FSTL4: variants seen among roughly 807,000 people sequenced by gnomAD.
FSTL4 encodes the protein follistatin-related protein 4.
Under a neutral mutation model 78.2 loss-of-function variants are expected in FSTL4, and 28 were observed. That is an observed-to-expected ratio of 0.36 (90% confidence interval 0.27 to 0.49). The LOEUF is 0.49. FSTL4 is among the 20% of genes least tolerant of loss of function. FSTL4 has a pLI of 0.98. For synonymous variants in FSTL4, 422 were observed against 440.5 expected, an observed-to-expected ratio of 0.96 and a Z score of 0.53; for missense variants, 922 against 1,084.9, an observed-to-expected ratio of 0.85 and a Z score of 2.11.
intron 2 of FSTL4, among the ~76,000 whole-genome samples, chr5:133,572,129 G>C (rs1215629368): frequency 1.3e-5 from 2 of 152,118 alleles, no homozygotes; most frequent in African/African-American, 2.4e-5. Flanking sequence ...AAGACAAATA[G>C]AAAATCTTTA....
chr5:133,331,138 C>T (rs948768504), intron 4 of FSTL4, among the ~76,000 whole-genome samples: 4 of 152,170 alleles, frequency 2.6e-5, no homozygotes, highest in Non-Finnish European at 5.9e-5. Context: ...GGAAAGCAGC[C>T]CCGCATAGGT....
At chr5:133,632,853 A>G in the FSTL4 span, among the ~76,000 whole-genome samples, 1 of 151,770 alleles carries the variant, frequency 6.6e-6, no homozygotes, top group East Asian at 1.9e-4. Flanking sequence ...CACTCAGCTA[A>G]TTTTTTTTGT....
intron 6 of FSTL4, among the ~76,000 whole-genome samples, chr5:133,257,373 T>C (rs1752406862): frequency 6.6e-6 from 1 of 152,190 alleles, no homozygotes; most frequent in African/African-American, 2.4e-5. Flanking sequence ...GGCAGACCTG[T>C]GTCCTGCTAT....
At chr5:133,639,242 A>C in the FSTL4 span, among the ~76,000 whole-genome samples, 1 of 152,200 alleles carries the variant, frequency 6.6e-6, no homozygotes, top group African/African-American at 2.4e-5. Context: ...CTCATAAGTC[A>C]GAGTTAAACA....
chr5:133,502,349 C>A (rs76649912), intron 3 of FSTL4, among the ~76,000 whole-genome samples: 11 of 152,088 alleles, frequency 7.2e-5, no homozygotes, highest in Non-Finnish European at 1.0e-4. Context: ...CATGCCACTG[C>A]CAATTTGAAG....
intron 7 of FSTL4, among the ~76,000 whole-genome samples, chr5:133,235,632 G>A (rs181378073): frequency 1.4e-4 from 22 of 152,010 alleles, no homozygotes; most frequent in Non-Finnish European, 2.9e-4. Context: ...TGCAGGGAGG[G>A]TCAGGATAAA....
intron 6 of FSTL4, among the ~76,000 whole-genome samples, chr5:133,269,576 A>C (rs990018978): frequency 6.6e-6 from 1 of 152,242 alleles, no homozygotes; most frequent in African/African-American, 2.4e-5. Flanking sequence ...GACTTGAAGG[A>C]TATGTTCTTA....
At chr5:133,376,864 G>C (rs1755446313) in intron 4 of FSTL4, among the ~76,000 whole-genome samples, 1 of 143,258 alleles carries the variant, frequency 7.0e-6, no homozygotes, top group African/African-American at 2.6e-5. Context: ...ACTCCAGCCT[G>C]AGAGACAGAG....
the FSTL4 span, among the ~76,000 whole-genome samples, chr5:133,707,885 T>C: frequency 3.3e-5 from 5 of 151,934 alleles, no homozygotes; most frequent in Admixed American, 3.3e-4. Context: ...CAGGTGTTGC[T>C]TGAGGCCCGG....
At chr5:133,221,900 T>TGTTTTG (rs1561626695) in intron 11 of FSTL4, among the ~76,000 whole-genome samples, 14 of 92,894 alleles carry the variant, frequency 1.5e-4, no homozygotes, top group African/African-American at 1.0e-3. Flanking sequence ...AGTTTTTTTT[T>TGTTTTG]TTTTTTTTTT....
chr5:133,670,869 T>A, the FSTL4 span, among the ~76,000 whole-genome samples: 1 of 151,668 alleles, frequency 6.6e-6, no homozygotes, highest in African/African-American at 2.4e-5. Flanking sequence ...ATACTGGTTG[T>A]ACAAATGGCT....
intron 11 of FSTL4, among the ~76,000 whole-genome samples, chr5:133,222,043 G>A (rs1751152675): frequency 6.6e-6 from 1 of 151,644 alleles, no homozygotes; most frequent in South Asian, 2.1e-4. Flanking sequence ...AACTCTGCAT[G>A]CAGTTTTCTG....
intron 2 of FSTL4, among the ~76,000 whole-genome samples, chr5:133,599,038 C>T (rs1760800065): frequency 6.6e-6 from 1 of 152,124 alleles, no homozygotes; most frequent in Non-Finnish European, 1.5e-5. Flanking sequence ...GCTGTTCTTC[C>T]CCAGTAATCA....
chr5:133,351,893 C>A (rs1754830805), intron 4 of FSTL4, among the ~76,000 whole-genome samples: 1 of 152,114 alleles, frequency 6.6e-6, no homozygotes, highest in Admixed American at 6.6e-5. Context: ...CAGGTGTAAG[C>A]CACTGCACCT....
rs1237493536 is a variant in FSTL4, at chr5:133,236,109, T to G, written c.895-2572A>C. Among the ~76,000 whole-genome samples the G allele has an allele frequency of 6.6e-6, 1 of 152,146 alleles. No homozygotes were observed. The highest frequency in any genetic ancestry group is 1.5e-5 in the Non-Finnish European group (1 of 68,012). ...TGCAGGGAGCCTGGCGCTGTGGACC[T>G]GCTGGCATTTTCCCTCCAAACTGCC... is the stretch of plus-strand genomic sequence containing the variant. On this transcript the variant is annotated intron_variant, in intron 7 of 15. Transcript: ENST00000265342. The surrounding 1 kb of genome is among the most constrained non-coding windows in gnomAD (Gnocchi z 5.0).
the FSTL4 span, among the ~76,000 whole-genome samples, chr5:133,681,830 C>T: frequency 1.3e-5 from 2 of 152,132 alleles, no homozygotes; most frequent in African/African-American, 4.8e-5. Context: ...TTGGGTCCCT[C>T]TTGTATAGAA....
chr5:133,292,271 G>A (rs1753282056), intron 6 of FSTL4, among the ~76,000 whole-genome samples: 2 of 152,206 alleles, frequency 1.3e-5, no homozygotes, highest in African/African-American at 4.8e-5. Context: ...CCTTCCTCCT[G>A]GGGCTGCACT....
At chr5:133,318,638 A>G (rs1308592535) in intron 4 of FSTL4, among the ~76,000 whole-genome samples, 1 of 152,212 alleles carries the variant, frequency 6.6e-6, no homozygotes, top group Admixed American at 6.5e-5. Flanking sequence ...ATACTGAAAA[A>G]TTGATGTACA....
intron 6 of FSTL4, among the ~76,000 whole-genome samples, chr5:133,296,921 G>C (rs189480635): frequency 3.8e-3 from 576 of 152,308 alleles, no homozygotes; most frequent in Middle Eastern, 0.017. Context: ...CTTTTCACCT[G>C]CAGGCCTGCC....
Sources: allele counts gnomAD v4.1 joint callset (sites outside exome capture counted in the v4.1 genomes callset), GRCh38; gene constraint gnomAD v4.1.1; non-coding constraint Gnocchi (gnomAD v3.1); transcripts MANE v1.5; gene names NCBI Gene and HGNC (gene_info 2026-07-23, HGNC 2026-07-21).